CAST: variants seen among roughly 807,000 people sequenced by gnomAD.
CAST encodes MIR583 host.
CAST carries 76 observed loss-of-function variants against 119.6 expected under a neutral mutation model. The observed-to-expected ratio is 0.64, with a 90% CI of 0.53 to 0.77. The LOEUF is 0.77. Among genes scored for constraint, CAST ranks in the 30% least tolerant of loss-of-function variants. The probability of loss-of-function intolerance (pLI) is 0.00; values close to 1 mark genes in which losing one functional copy is unlikely to be tolerated. For missense variants in CAST, 953 were observed against 946.5 expected (o/e 1.01, Z -0.09); for synonymous variants, 319 against 331.6 (o/e 0.96, Z 0.41).
the CAST span, chr5:96,214,961 A>C: frequency 3.3e-5 from 5 of 152,200 alleles, no homozygotes; most frequent in Admixed American, 2.6e-4. Context: ...AGCCTTCTAA[A>C]ATATTCCTGC....
chr5:96,177,307 A>G, the CAST span, among the ~76,000 whole-genome samples: 1 of 152,200 alleles, frequency 6.6e-6, no homozygotes, highest in Non-Finnish European at 1.5e-5. Flanking sequence ...GAGGTGGTGA[A>G]CTATGTGGCA....
the CAST span, among the ~76,000 whole-genome samples, chr5:96,364,823 A>G: frequency 6.6e-6 from 1 of 151,898 alleles, no homozygotes; most frequent in African/African-American, 2.4e-5. Context: ...CTCTGTCTCC[A>G]TCAGTTCTGC....
the CAST span, among the ~76,000 whole-genome samples, chr5:96,136,137 G>A: frequency 6.6e-6 from 1 of 152,238 alleles, no homozygotes; most frequent in Admixed American, 6.5e-5. Context: ...GAGATTGTTT[G>A]TTCTCTTCTC....
chr5:96,535,096 G>A (rs573753779), intron 1 of CAST, among the ~76,000 whole-genome samples: 13 of 152,214 alleles, frequency 8.5e-5, no homozygotes, highest in Non-Finnish European at 1.3e-4. Flanking sequence ...AGAACAAATG[G>A]CATATAGTAT....
At chr5:96,753,958 G>A in intron 20 of CAST, 102 bp from the exon 21 acceptor site, 4 of 703,638 alleles carry the variant, frequency 5.7e-6, no homozygotes, top group South Asian at 5.0e-5. Flanking sequence ...GATAGCGTGT[G>A]CCTTTTATCT....
the CAST span, among the ~76,000 whole-genome samples, chr5:96,038,724 G>C: frequency 6.6e-6 from 1 of 152,114 alleles, no homozygotes; most frequent in Non-Finnish European, 1.5e-5. Context: ...TGGCTGCATA[G>C]TATGCCATGG....
chr5:95,972,090 G>A, the CAST span, among the ~76,000 whole-genome samples: 10 of 151,540 alleles, frequency 6.6e-5, no homozygotes, highest in African/African-American at 2.2e-4. Context: ...CTCCCTAATG[G>A]CTGGGACTAC....
chr5:96,338,902 T>C, the CAST span, among the ~76,000 whole-genome samples: 1 of 152,128 alleles, frequency 6.6e-6, no homozygotes, highest in Admixed American at 6.5e-5. Context: ...GCTCTGTAGA[T>C]GGTTTGGTTT....
At chr5:96,573,769 C>A (rs912800030) in intron 1 of CAST, among the ~76,000 whole-genome samples, 1 of 152,192 alleles carries the variant, frequency 6.6e-6, no homozygotes, top group African/African-American at 2.4e-5. Flanking sequence ...CCCTTGTGCC[C>A]CTTCTCAGAC....
chr5:96,208,692 T>C, the CAST span, among the ~76,000 whole-genome samples: 1 of 151,850 alleles, frequency 6.6e-6, no homozygotes, highest in African/African-American at 2.4e-5. Context: ...TCTGAGAGTG[T>C]GTTTGGTATG....
the CAST span, among the ~76,000 whole-genome samples, chr5:96,518,667 C>T: frequency 2.6e-5 from 4 of 152,128 alleles, no homozygotes; most frequent in Admixed American, 6.5e-5. Flanking sequence ...GCCAACCAAC[C>T]TTTCATGAGA....
intron 1 of CAST, among the ~76,000 whole-genome samples, chr5:96,627,402 A>G (rs1477212277): frequency 6.6e-6 from 1 of 152,046 alleles, no homozygotes; most frequent in Non-Finnish European, 1.5e-5. Context: ...ATGTAAAATG[A>G]CCCCCTTGAC....
At chr5:96,598,886 T>C (rs574168805) in intron 1 of CAST, among the ~76,000 whole-genome samples, 1 of 152,342 alleles carries the variant, frequency 6.6e-6, no homozygotes, top group South Asian at 2.1e-4. Context: ...TTGTTTGTTG[T>C]TGTTTTGCCT....
chr5:96,419,386 A>C, the CAST span, among the ~76,000 whole-genome samples: 1 of 56,496 alleles, frequency 1.8e-5, no homozygotes, highest in South Asian at 6.0e-4. Flanking sequence ...AATACTTATT[A>C]TATATATATA....
chr5:96,606,205 C>T (rs929965432), intron 1 of CAST, among the ~76,000 whole-genome samples: 14 of 151,738 alleles, frequency 9.2e-5, no homozygotes, highest in Admixed American at 9.2e-4. Context: ...GAGTGGGGCC[C>T]AGGCATCAGC....
At chr5:96,735,206 A>C (rs1470103693) in intron 9 of CAST, among the ~76,000 whole-genome samples, 1 of 152,252 alleles carries the variant, frequency 6.6e-6, no homozygotes, top group African/African-American at 2.4e-5. Context: ...AATGGTTTTC[A>C]TACTTCGTAT....
chr5:96,634,468 A>G (rs1247521098), intron 1 of CAST, among the ~76,000 whole-genome samples: 1 of 152,156 alleles, frequency 6.6e-6, no homozygotes, highest in African/African-American at 2.4e-5. Context: ...CATTCTTTCT[A>G]CACTTAAACT....
chr5:96,536,046 T>G (rs1022102095), intron 1 of CAST, among the ~76,000 whole-genome samples: 2 of 149,050 alleles, frequency 1.3e-5, no homozygotes, highest in Admixed American at 6.7e-5. Flanking sequence ...TTTTTTTTTT[T>G]TTTTTTTTTT....
the CAST span, among the ~76,000 whole-genome samples, chr5:96,411,213 G>A: frequency 6.6e-6 from 1 of 152,184 alleles, no homozygotes; most frequent in Admixed American, 6.5e-5. Context: ...CCTGGGGTAG[G>A]GCTGAGCACA....
Sources: gnomAD v4.1 joint callset for allele counts (sites outside exome capture counted in the v4.1 genomes callset) on GRCh38, gnomAD v4.1.1 for gene constraint, MANE v1.5 for transcripts, NCBI Gene and HGNC (gene_info 2026-07-23, HGNC 2026-07-21) for gene names.